The following DNAH17 variants were observed in gnomAD, a reference collection of about 807,000 sequenced individuals.
DNAH17 encodes dynein axonemal heavy chain 17, also known as axonemal beta dynein heavy chain 17.
Under a neutral mutation model 485.6 loss-of-function variants are expected in DNAH17, and 376 were observed. That is an observed-to-expected ratio of 0.77 (90% CI 0.71 to 0.84). The LOEUF (loss-of-function observed/expected upper bound fraction) is 0.84, where lower values mean the gene tolerates loss of function less well. DNAH17 is among the 40% of genes least tolerant of loss of function. The probability of loss-of-function intolerance (pLI) is 0.00; values close to 1 mark genes in which losing one functional copy is unlikely to be tolerated. For missense variants in DNAH17, 6,370 were observed against 5,839.3 expected (o/e 1.09, Z -2.96); for synonymous variants, 3,031 against 2,405.9 (o/e 1.26, Z -7.60).
At chr17:78,434,327 T>G (rs1337675899) in intron 74 of DNAH17, 107 bp from the exon 75 acceptor site, 15 of 968,160 alleles carry the variant, frequency 1.5e-5, no homozygotes, top group African/African-American at 3.3e-5. Context: ...TTTGCTAGGG[T>G]GGGGGCGGTG....
At chr17:78,552,306 C>T (rs1010184485) in intron 15 of DNAH17, among the ~76,000 whole-genome samples, 1 of 152,218 alleles carries the variant, frequency 6.6e-6, no homozygotes. Flanking sequence ...CTCGTGACTA[C>T]ACTTCTTCCT....
chr17:78,518,696 G>T (rs921979166), intron 25 of DNAH17, among the ~76,000 whole-genome samples: 1 of 152,102 alleles, frequency 6.6e-6, no homozygotes, highest in South Asian at 2.1e-4. Flanking sequence ...AGCAGAATAC[G>T]CATTCTGTTC....
rs754758567 is a variant in DNAH17, at chr17:78,426,510, G to C, written c.12862C>G (p.Pro4288Ala). The C allele has an allele frequency of 1.2e-6, 2 of 1,613,598 alleles. No homozygotes were observed. Among genetic ancestry groups the C allele is most frequent in the Admixed American group, 3.3e-5 (2 of 59,956 alleles). ...CAGGCCGCCAGGCCCATCATGGAGG[G>C]GTAGGCCCGGGCCACCCACGTATCA... ...VPDTWVARAY[P>A]SMMGLAAWYA... Residue 4288 changes from proline (P) to alanine (A), a missense_variant, in exon 79 of 81, where the codon CCC (proline) becomes GCC (alanine). Pro to Ala is a conservative substitution (Grantham distance 27, BLOSUM62 -1). Transcript: ENST00000389840.
Position 78,449,498 on chromosome 17 carries a change from C to G in DNAH17, c.11127G>C (p.Glu3709Asp), listed in dbSNP as rs140964771. ...VKQRVINLTD[E>D]ITYSVYMYTA... ...TGTACATGTAGACGGAGTAGGTGAT[C>G]TCGTCCGTCAGGTTGATCACCCGCT... is the stretch of plus-strand genomic sequence containing the variant. The change falls in exon 69 of 81, where the codon GAG becomes GAC. Residue 3709 changes from glutamate to aspartate, a missense_variant. Physicochemically the swap from Glu to Asp is conservative, Grantham distance 45. Coordinates refer to ENST00000389840, the MANE Select transcript of DNAH17 (RefSeq NM_173628.4). The G allele has an allele frequency of 1.9e-6, 3 of 1,580,970 alleles. No homozygotes were observed. In the African/African-American group the frequency reaches 4.0e-5, roughly 21 times the overall value.
At chr17:78,432,905 C>CCCCCG (rs1555650512) in intron 75 of DNAH17, among the ~76,000 whole-genome samples, 1 of 115,070 alleles carries the variant, frequency 8.7e-6, no homozygotes, top group African/African-American at 3.4e-5. Context: ...CAAACGTGCC[C>CCCCCG]CCCCCCCCCG....
At chr17:78,499,386 G>C in intron 36 of DNAH17, 1 of 307,456 alleles carries the variant, frequency 3.3e-6, no homozygotes, top group Non-Finnish European at 5.9e-6. Context: ...AAGGGGCTCA[G>C]ACAAGCACAT....
intron 77 of DNAH17, chr17:78,428,261 T>G: frequency 1.9e-6 from 1 of 514,288 alleles, no homozygotes; most frequent in South Asian, 2.0e-5. Context: ...AGGGCTGGGA[T>G]GCTCTTGGAG....
At position 78,479,009 on chromosome 17, in the gene DNAH17, G is replaced by A. The variant is rs2089231767; in HGVS notation, c.7992+16C>T. On this transcript the variant is annotated intron_variant, in intron 51 of 80. Coordinates refer to ENST00000389840, the MANE Select transcript of DNAH17 (RefSeq NM_173628.4). ...GACCGTAAGGCAGGCATGACATAAA[G>A]CTACAAGAGCAGTACCTGGAAAATA... 1 of 1,610,414 alleles carries A rather than the reference G, an allele frequency of 6.2e-7. No individual in the cohort carries two copies. The highest frequency in any genetic ancestry group is 1.7e-4 in the Middle Eastern group (1 of 6,056).
chr17:78,536,718 G>A (rs897660694), intron 19 of DNAH17, among the ~76,000 whole-genome samples: 1 of 151,908 alleles, frequency 6.6e-6, no homozygotes, highest in African/African-American at 2.4e-5. Context: ...TCAGGAAGTT[G>A]GGAAAGGTTA....
Position 78,495,788 on chromosome 17 carries a change from C to T in DNAH17, c.5903+87G>A, listed in dbSNP as rs868199981. The T allele has an allele frequency of 6.2e-5, 93 of 1,489,548 alleles. 1 individual carries two copies. The African/African-American group carries it at 9.1e-4, about 15-fold the overall frequency. 92.3% of individuals were successfully genotyped at this position (1,489,548 alleles called of 1,614,324 possible). A position where few individuals can be genotyped will look rare whatever the true frequency, so the allele number is the denominator to read the frequency against. ...TCCCTCCCCAGCTTGCCCTCTGCCCCTCCCCTCTGCCCACTCCTTGGCACT... is the reference window on the plus strand; with the variant it reads ...TCCCTCCCCAGCTTGCCCTCTGCCCTTCCCCTCTGCCCACTCCTTGGCACT... On this transcript the variant is annotated intron_variant, in intron 38 of 80. Transcript: ENST00000389840.
intron 62 of DNAH17, 39 bp downstream of exon 62, chr17:78,458,526 T>C: frequency 6.4e-7 from 1 of 1,551,780 alleles, no homozygotes; most frequent in Non-Finnish European, 8.9e-7. Flanking sequence ...TTTCAGGGGG[T>C]CTGAGAGCAG....
chr17:78,563,537 C>T (rs1445997266), intron 11 of DNAH17, among the ~76,000 whole-genome samples: 1 of 152,106 alleles, frequency 6.6e-6, no homozygotes. Context: ...CACCTGTAAT[C>T]CCAACACTTT....
At chr17:78,510,863 T>C (rs1236109097) in intron 26 of DNAH17, among the ~76,000 whole-genome samples, 2 of 151,938 alleles carry the variant, frequency 1.3e-5, no homozygotes, top group African/African-American at 2.4e-5. Context: ...GATTTTCCGG[T>C]GAGACATAAA....
In DNAH17 at chr17:78,537,011, T is replaced by TA. The variant is rs199913225; in HGVS notation, c.2859+287dup. Among the ~76,000 whole-genome samples the TA allele has an allele frequency of 6.4e-3, 954 of 149,914 alleles. 10 individuals are homozygous for TA. Among genetic ancestry groups the TA allele is most frequent in the African/African-American group, 0.02 (834 of 40,812 alleles). ...TAACACGGTTAAACCCAGTCTCTACTAAAAAAAAATAAAAAAATTAGCCGG... is the reference window on the plus strand; with the variant it reads ...TAACACGGTTAAACCCAGTCTCTACTAAAAAAAAAATAAAAAAATTAGCCGG... On this transcript the variant is annotated intron_variant, in intron 19 of 80. Transcript: ENST00000389840.
At position 78,495,019 on chromosome 17, in the gene DNAH17, G is replaced by A. The variant is rs759119252; in HGVS notation, c.5982C>T (p.Arg1994=). 5 of 1,612,778 alleles carry A rather than the reference G, an allele frequency of 3.1e-6. No individual in the cohort carries two copies. The Admixed American group carries it at 5.0e-5, about 16-fold the overall frequency. The change falls in exon 39 of 81, where the codon CGC becomes CGT. Residue 1994 remains arginine, a synonymous_variant. Coordinates refer to ENST00000389840, the MANE Select transcript of DNAH17 (RefSeq NM_173628.4). ...GGGTGATGAACTTCCTGGCCAGAAGGCGGGCTTCCAGAAAGCCCTCGGCCA... is the reference window on the plus strand; with the variant it reads ...GGGTGATGAACTTCCTGGCCAGAAGACGGGCTTCCAGAAAGCCCTCGGCCA... ...MLMAEGFLEA[R]LLARKFITLY...
Position 78,423,726 on chromosome 17 carries a change from C to G in DNAH17, c.*180G>C. ...TGGCTCCACTGGCTTTAATCTGCCC[C>G]ACCTCTTCCACACCAACCTCCACCC... On this transcript the variant is annotated 3_prime_UTR_variant, in exon 81 of 81. Transcript: ENST00000389840. 1 of 759,106 alleles carries G rather than the reference C, an allele frequency of 1.3e-6. No individual in the cohort carries two copies. The highest frequency in any genetic ancestry group is 2.1e-6 in the Non-Finnish European group (1 of 475,736). 47.0% of individuals were successfully genotyped at this position (759,106 alleles called of 1,614,324 possible).
Position 78,459,994 on chromosome 17 carries a change from A to C in DNAH17, c.9443T>G (p.Leu3148Arg). 6.2e-7 allele frequency: 1 copy of C among 1,612,714 alleles called. No individual in the cohort carries two copies. The highest frequency in any genetic ancestry group is 1.1e-5 in the South Asian group (1 of 91,032). The stretch of plus-strand genomic sequence containing the variant: ...GGACCCAAAGGACTTCAGCTCTGTC[A>C]GGTTGTTCTGCAAATGACAGACGGG... ...EALDTLNKNN[L>R]TELKSFGSPP... Residue 3148 changes from leucine to arginine, a missense_variant, in exon 60 of 81, where the codon CTG (leucine) becomes CGG (arginine). Transcript: ENST00000389840.
intron 62 of DNAH17, among the ~76,000 whole-genome samples, chr17:78,458,245 G>T (rs1310602392): frequency 1.3e-5 from 2 of 152,200 alleles, no homozygotes; most frequent in African/African-American, 4.8e-5. Context: ...CTGTCCACTG[G>T]CTGCGAAAGG....
At chr17:78,532,809 G>A in intron 19 of DNAH17, 73 bp from the exon 20 acceptor site, 2 of 1,447,612 alleles carry the variant, frequency 1.4e-6, no homozygotes, top group East Asian at 2.5e-5. Flanking sequence ...TGTCCTCTCG[G>A]CCTTGAGAAG....
Sources: gnomAD v4.1 joint callset for allele counts (sites outside exome capture counted in the v4.1 genomes callset) on GRCh38, gnomAD v4.1.1 for gene constraint, MANE v1.5 for transcripts, NCBI Gene and HGNC (gene_info 2026-07-23, HGNC 2026-07-21) for gene names.